Variants in SLC4A4 observed in about 807,000 individuals in gnomAD.
SLC4A4 encodes solute carrier family 4 member 4.
Under a neutral mutation model 111.5 loss-of-function variants are expected in SLC4A4, and 27 were observed. That is an observed-to-expected ratio of 0.24 (90% CI 0.18 to 0.33). SLC4A4 has a LOEUF of 0.33. SLC4A4 is among the 10% of genes least tolerant of loss of function. SLC4A4 has a pLI of 1.00. For synonymous variants in SLC4A4, 443 were observed against 463.4 expected (o/e 0.96, Z 0.57); for missense variants, 909 against 1,315.5 (o/e 0.69, Z 4.78).
chr4:71,345,164 G>A (rs956511295), intron 4 of SLC4A4, among the ~76,000 whole-genome samples: 7 of 152,078 alleles, frequency 4.6e-5, no homozygotes, highest in African/African-American at 9.7e-5. Context: ...CTGAAAAATC[G>A]TTTGGAATTG....
intron 6 of SLC4A4, among the ~76,000 whole-genome samples, chr4:71,394,027 G>A (rs1043561934): frequency 6.6e-6 from 1 of 152,078 alleles, no homozygotes; most frequent in African/African-American, 2.4e-5. Context: ...ATGGATTAAG[G>A]ACTTAAATCT....
intron 9 of SLC4A4, among the ~76,000 whole-genome samples, chr4:71,448,902 C>T (rs141489297): frequency 2.0e-5 from 3 of 152,280 alleles, no homozygotes; most frequent in African/African-American, 7.2e-5. Flanking sequence ...TATGGCTATG[C>T]TGCTTTTTCC....
intron 18 of SLC4A4, among the ~76,000 whole-genome samples, chr4:71,537,617 A>T (rs1000235618): frequency 6.6e-6 from 1 of 151,024 alleles, no homozygotes; most frequent in African/African-American, 2.4e-5. Context: ...ATCCTGGGAG[A>T]TTCTTTCTTT....
Position 71,569,185 on chromosome 4 carries a change from G to A in SLC4A4, c.*1434G>A, listed in dbSNP as rs940640401. The A allele has an allele frequency of 6.6e-6, 1 of 151,340 alleles. No individual in the cohort carries two copies. Among genetic ancestry groups the A allele is most frequent in the East Asian group, 2.0e-4 (1 of 5,122 alleles). 9.4% of individuals were successfully genotyped at this position (151,340 alleles called of 1,614,324 possible). ...ACCACATATGAAAAAATCCATTAAG[G>A]GTCCAAGAAGTCTGTCCATATGAAA... On this transcript the variant is annotated 3_prime_UTR_variant, in exon 26 of 26. Coordinates refer to ENST00000264485, the MANE Select transcript of SLC4A4 (RefSeq NM_001098484.3).
intron 3 of SLC4A4, chr4:71,338,909 G>T (rs1312049757): frequency 2.3e-6 from 1 of 443,278 alleles, no homozygotes; most frequent in Non-Finnish European, 3.8e-6. Context: ...TTTAGGCATT[G>T]GACAGAGGGA....
chr4:71,357,060 G>A lies in SLC4A4; in HGVS notation c.603G>A (p.Lys201=), dbSNP rs1443424178. Residue 201 remains lysine (K), a synonymous_variant, in exon 6 of 26, where the codon AAG becomes AAA. Coordinates refer to ENST00000264485, the MANE Select transcript of SLC4A4 (RefSeq NM_001098484.3). ...IETGLLKPEL[K]DKVTYTLLRK... ...CAGGCCTATTGAAACCTGAACTTAA[G>A]GATAAGGTGACCTATACTTTGCTCC... The A allele has an allele frequency of 1.2e-6, 2 of 1,614,056 alleles. No homozygotes were observed. The highest frequency in any genetic ancestry group is 1.7e-5 in the Admixed American group (1 of 60,012).
intron 12 of SLC4A4, among the ~76,000 whole-genome samples, chr4:71,460,063 T>C (rs893330083): frequency 2.0e-5 from 3 of 152,086 alleles, no homozygotes; most frequent in African/African-American, 7.2e-5. Context: ...ATTTTCTCTT[T>C]GCTTGTGAGA....
chr4:71,262,353 G>A (rs1254941668), intron 3 of SLC4A4, among the ~76,000 whole-genome samples: 2 of 152,102 alleles, frequency 1.3e-5, no homozygotes, highest in Non-Finnish European at 2.9e-5. Context: ...TAAATTCTGC[G>A]GAATTCTTCC....
chr4:71,114,247 A>G (rs1285752527), intron 2 of SLC4A4, among the ~76,000 whole-genome samples: 4 of 152,184 alleles, frequency 2.6e-5, no homozygotes, highest in Non-Finnish European at 5.9e-5. Context: ...CTCGCTCTCA[A>G]AAAACAAACA....
intron 2 of SLC4A4, among the ~76,000 whole-genome samples, chr4:71,171,270 G>C (rs1194077767): frequency 6.6e-6 from 1 of 152,060 alleles, no homozygotes; most frequent in African/African-American, 2.4e-5. Flanking sequence ...GTGGAGAGGA[G>C]AGTGTGGATG....
intron 6 of SLC4A4, among the ~76,000 whole-genome samples, chr4:71,395,296 C>T (rs1719715530): frequency 6.6e-6 from 1 of 152,044 alleles, no homozygotes; most frequent in Non-Finnish European, 1.5e-5. Context: ...GATCATCTTG[C>T]TTAGTTACTA....
chr4:71,268,919 A>G (rs1009571029), intron 3 of SLC4A4, among the ~76,000 whole-genome samples: 4 of 152,240 alleles, frequency 2.6e-5, no homozygotes, highest in African/African-American at 9.6e-5. Flanking sequence ...AACATATAGA[A>G]GCTTTCATAC....
Position 71,546,600 on chromosome 4 carries a change from A to T in SLC4A4, c.2621+72A>T. 2.0e-5 allele frequency: 27 copies of T among 1,320,192 alleles called. 2 individuals carry two copies. In the South Asian group the frequency reaches 3.3e-4, roughly 16 times the overall value. 81.8% of individuals were successfully genotyped at this position (1,320,192 alleles called of 1,614,324 possible). ...ACATCTATGTGGCAATCATAAGGAT[A>T]TGGGCAGATTTGGAGGAGACAGGGC... On this transcript the variant is annotated intron_variant, in intron 19 of 25. Coordinates refer to ENST00000264485, the MANE Select transcript of SLC4A4 (RefSeq NM_001098484.3).
intron 13 of SLC4A4, among the ~76,000 whole-genome samples, chr4:71,468,735 G>GAAA (rs5859263): frequency 4.0e-5 from 6 of 148,700 alleles, no homozygotes; most frequent in African/African-American, 9.8e-5. Flanking sequence ...CATGCTCCAT[G>GAAA]AAAAAAAAAA....
rs1322972529 is a variant in SLC4A4, at chr4:71,571,452, A to C, written c.*3701A>C. 6.6e-6 allele frequency: 1 copy of C among 152,158 alleles called. No individual in the cohort carries two copies. Among genetic ancestry groups the C allele is most frequent in the Non-Finnish European group, 1.5e-5 (1 of 67,866 alleles). The allele number at this position is 152,158 out of a possible 1,614,324, so 9.4% of individuals were successfully genotyped here. A position where few individuals can be genotyped will look rare whatever the true frequency, so the allele number is the denominator to read the frequency against. On this transcript the variant is annotated 3_prime_UTR_variant, in exon 26 of 26. Coordinates refer to ENST00000264485, the MANE Select transcript of SLC4A4 (RefSeq NM_001098484.3). ...AGGCCATGAGTTTTCAGATGATTTC[A>C]TTGAGCTTCATTGCAGCCTGAAATT...
intron 6 of SLC4A4, among the ~76,000 whole-genome samples, chr4:71,360,074 A>G (rs185919247): frequency 6.6e-6 from 1 of 152,336 alleles, no homozygotes; most frequent in African/African-American, 2.4e-5. Flanking sequence ...TTATATAAAC[A>G]TACAATTTAA....
In SLC4A4 at chr4:71,067,753, C is replaced by CT. The variant is rs900317408; in HGVS notation, c.-65+4977dup. Among the ~76,000 whole-genome samples the CT allele has an allele frequency of 1.0e-3, 146 of 146,252 alleles. No individual in the cohort carries two copies. In the East Asian group the frequency reaches 0.011, roughly 11 times the overall value. On this transcript the variant is annotated intron_variant, in intron 1 of 26. Coordinates refer to the SLC4A4 transcript ENST00000649996. ...TTATATAAAGTCTGTGCCTCTTAAA[C>CT]TTTTTTTTTTTTGAGTTGGGGGTCT...
At chr4:71,481,337 T>C (rs1304983338) in intron 14 of SLC4A4, among the ~76,000 whole-genome samples, 1 of 151,728 alleles carries the variant, frequency 6.6e-6, no homozygotes, top group Non-Finnish European at 1.5e-5. Flanking sequence ...TAGCTGTTCC[T>C]GATGGTACAG....
At chr4:71,164,091 CA>C (rs1388693140) in intron 2 of SLC4A4, among the ~76,000 whole-genome samples, 6 of 144,832 alleles carry the variant, frequency 4.1e-5, no homozygotes, top group African/African-American at 1.5e-4. Flanking sequence ...ACTAAAAATA[CA>C]AAAATAAGCT....
Sources: allele counts gnomAD v4.1 joint callset (sites outside exome capture counted in the v4.1 genomes callset), GRCh38; gene constraint gnomAD v4.1.1; transcripts MANE v1.5; gene names NCBI Gene and HGNC (gene_info 2026-07-23, HGNC 2026-07-21).